Variants in ROBO1 observed in about 807,000 individuals in gnomAD.
ROBO1 encodes roundabout guidance receptor 1, also known as roundabout homolog 1.
Under a neutral mutation model 195.9 loss-of-function variants are expected in ROBO1, and 149 were observed. That is an observed-to-expected ratio of 0.76 (90% CI 0.67 to 0.87). ROBO1 has a LOEUF of 0.87. Among genes scored for constraint, ROBO1 ranks in the 40% least tolerant of loss-of-function variants. ROBO1 has a pLI of 0.00. For missense variants in ROBO1, 1,933 were observed against 2,068.3 expected, an observed-to-expected ratio of 0.93 and a Z score of 1.27; for synonymous variants, 816 against 733.2, an observed-to-expected ratio of 1.11 and a Z score of -1.82.
At chr3:78,822,915 T>C (rs2031154592) in intron 4 of ROBO1, among the ~76,000 whole-genome samples, 1 of 152,346 alleles carries the variant, frequency 6.6e-6, no homozygotes, top group East Asian at 1.9e-4. Flanking sequence ...ATTATGTCAA[T>C]TTTCCCTCAG....
At chr3:79,008,933 G>GTGT (rs1341553693) in intron 3 of ROBO1, among the ~76,000 whole-genome samples, 9 of 139,452 alleles carry the variant, frequency 6.5e-5, no homozygotes, top group South Asian at 2.3e-4. Flanking sequence ...GTGTGTGTAT[G>GTGT]GTTTTGTTTT....
chr3:79,077,250 A>C (rs1008111552), intron 3 of ROBO1, among the ~76,000 whole-genome samples: 1 of 152,062 alleles, frequency 6.6e-6, no homozygotes, highest in African/African-American at 2.4e-5. Flanking sequence ...ACTTCTATGT[A>C]TACAATATTT....
At chr3:79,258,920 C>T (rs1376781150) in intron 2 of ROBO1, among the ~76,000 whole-genome samples, 1 of 152,032 alleles carries the variant, frequency 6.6e-6, no homozygotes, top group Non-Finnish European at 1.5e-5. Context: ...GGGAAAAACT[C>T]ACTATAACAT....
intron 1 of ROBO1, among the ~76,000 whole-genome samples, chr3:79,756,537 C>A (rs112808271): frequency 8.7e-6 from 1 of 114,778 alleles, no homozygotes. Context: ...GCAAAATGAG[C>A]GAAGCACCAT....
chr3:78,703,010 C>A (rs1043505986), intron 8 of ROBO1, among the ~76,000 whole-genome samples: 1 of 152,120 alleles, frequency 6.6e-6, no homozygotes, highest in African/African-American at 2.4e-5. Flanking sequence ...GAATGCCTTT[C>A]TTTTGATTAA....
chr3:79,097,051 A>G (rs1188487769), intron 3 of ROBO1, among the ~76,000 whole-genome samples: 1 of 151,774 alleles, frequency 6.6e-6, no homozygotes, highest in Non-Finnish European at 1.5e-5. Context: ...TTAGCCTTAA[A>G]ACAATCTTAA....
intron 2 of ROBO1, among the ~76,000 whole-genome samples, chr3:79,398,673 G>A (rs996603864): frequency 3.3e-5 from 5 of 152,062 alleles, no homozygotes; most frequent in African/African-American, 4.8e-5. Context: ...CCTATGTACT[G>A]CAGTACATAA....
chr3:79,238,900 A>G (rs2082461499), intron 2 of ROBO1, among the ~76,000 whole-genome samples: 1 of 152,202 alleles, frequency 6.6e-6, no homozygotes, highest in African/African-American at 2.4e-5. Flanking sequence ...CTCTATTTTC[A>G]AAGCTTCTGC....
At chr3:79,372,939 T>C (rs2036253664) in intron 2 of ROBO1, among the ~76,000 whole-genome samples, 1 of 152,084 alleles carries the variant, frequency 6.6e-6, no homozygotes, top group Non-Finnish European at 1.5e-5. Context: ...CGGGGGTACA[T>C]GCGCAGGTTT....
intron 4 of ROBO1, among the ~76,000 whole-genome samples, chr3:78,842,661 G>A (rs1282552141): frequency 6.7e-6 from 1 of 149,576 alleles, no homozygotes; most frequent in East Asian, 2.0e-4. Flanking sequence ...ATAATAAAGG[G>A]AATGTACATT....
chr3:79,739,843 T>C (rs1703548494), intron 1 of ROBO1, among the ~76,000 whole-genome samples: 1 of 152,238 alleles, frequency 6.6e-6, no homozygotes, highest in Non-Finnish European at 1.5e-5. Flanking sequence ...AATGTAGCGA[T>C]AATAAAATCA....
intron 4 of ROBO1, among the ~76,000 whole-genome samples, chr3:78,825,484 G>A (rs1192472678): frequency 6.6e-6 from 1 of 152,146 alleles, no homozygotes; most frequent in Non-Finnish European, 1.5e-5. Flanking sequence ...AGACAGCCAA[G>A]TGTGTCTTCA....
At chr3:79,338,929 T>A (rs1156728362) in intron 2 of ROBO1, among the ~76,000 whole-genome samples, 5 of 152,194 alleles carry the variant, frequency 3.3e-5, no homozygotes, top group Non-Finnish European at 7.3e-5. Context: ...AATCAAACTT[T>A]GATTTTACAT....
At chr3:79,738,761 T>A (rs1278285409) in intron 1 of ROBO1, among the ~76,000 whole-genome samples, 1 of 152,204 alleles carries the variant, frequency 6.6e-6, no homozygotes, top group African/African-American at 2.4e-5. Context: ...TAATGTTATT[T>A]AGAATTTTTG....
intron 1 of ROBO1, among the ~76,000 whole-genome samples, chr3:79,593,123 T>C (rs1024762456): frequency 6.6e-6 from 1 of 152,064 alleles, no homozygotes; most frequent in Non-Finnish European, 1.5e-5. Flanking sequence ...CATTCCATTG[T>C]CTGGATGTAC....
chr3:79,554,237 G>C (rs1942621909), intron 2 of ROBO1, among the ~76,000 whole-genome samples: 1 of 151,896 alleles, frequency 6.6e-6, no homozygotes, highest in Admixed American at 6.6e-5. Flanking sequence ...CTGAGTTAGA[G>C]ACCATGGGAC....
At chr3:79,765,217 A>G (rs1189585201) in intron 1 of ROBO1, among the ~76,000 whole-genome samples, 1 of 152,228 alleles carries the variant, frequency 6.6e-6, no homozygotes, top group Non-Finnish European at 1.5e-5. Flanking sequence ...GATATGTGCG[A>G]AAAGGCTAAA....
intron 2 of ROBO1, among the ~76,000 whole-genome samples, chr3:79,365,747 A>T (rs1480250157): frequency 6.6e-6 from 1 of 151,882 alleles, no homozygotes; most frequent in Non-Finnish European, 1.5e-5. Context: ...AATACAAAAA[A>T]TTATCCGGGC....
intron 1 of ROBO1, among the ~76,000 whole-genome samples, chr3:79,665,615 G>A (rs1946455144): frequency 6.6e-6 from 1 of 151,874 alleles, no homozygotes; most frequent in Middle Eastern, 3.4e-3. Context: ...ATGATGCAGT[G>A]GTTGTACTCT....
Sources: gnomAD v4.1 joint callset for allele counts (sites outside exome capture counted in the v4.1 genomes callset) on GRCh38, gnomAD v4.1.1 for gene constraint, MANE v1.5 for transcripts, NCBI Gene and HGNC (gene_info 2026-07-23, HGNC 2026-07-21) for gene names.